GALNT12: variants seen among roughly 807,000 people sequenced by gnomAD.
GALNT12 encodes polypeptide N-acetylgalactosaminyltransferase 12.
Under a neutral mutation model 55.5 loss-of-function variants are expected in GALNT12, and 45 were observed. The ratio of observed to expected loss-of-function variants is 0.81; its 90% CI spans 0.64 to 1.04. The LOEUF (loss-of-function observed/expected upper bound fraction) is 1.04, where lower values mean the gene tolerates loss of function less well. GALNT12 is among the 50% of genes least tolerant of loss of function. The pLI is 0.00. For missense variants in GALNT12, 709 were observed against 754.8 expected (o/e 0.94, Z 0.71); for synonymous variants, 304 against 312.2 (o/e 0.97, Z 0.28).
chr9:98,842,554 T>C (rs1292833634), intron 7 of GALNT12, among the ~76,000 whole-genome samples: 1 of 152,162 alleles, frequency 6.6e-6, no homozygotes, highest in East Asian at 1.9e-4. Flanking sequence ...TTATTTTGGC[T>C]TCTGAGGTCT....
At chr9:98,822,908 G>C (rs953341722) in intron 1 of GALNT12, among the ~76,000 whole-genome samples, 4 of 152,194 alleles carry the variant, frequency 2.6e-5, no homozygotes, top group African/African-American at 9.7e-5. Flanking sequence ...CTGAGCAAAG[G>C]CCTGGGAGTG....
intron 9 of GALNT12, among the ~76,000 whole-genome samples, chr9:98,848,387 G>A (rs1157306632): frequency 6.6e-6 from 1 of 152,202 alleles, no homozygotes; most frequent in Non-Finnish European, 1.5e-5. Context: ...AGGGCTGGCA[G>A]AAAGGAGAGA....
chr9:98,820,859 C>A (rs1469881725), intron 1 of GALNT12, among the ~76,000 whole-genome samples: 1 of 152,170 alleles, frequency 6.6e-6, no homozygotes, highest in African/African-American at 2.4e-5. Context: ...CAACCCAGGG[C>A]TGCTTAACTT....
chr9:98,809,402 T>C (rs10987771), intron 1 of GALNT12, among the ~76,000 whole-genome samples: 43,527 of 152,126 alleles, frequency 0.29, 6,903 homozygotes, highest in East Asian at 0.36. Flanking sequence ...ACCCCGAGGG[T>C]GCCCGCTGAG....
chr9:98,843,212 CAT>C (rs1382838521), intron 7 of GALNT12, among the ~76,000 whole-genome samples: 2 of 152,118 alleles, frequency 1.3e-5, no homozygotes, highest in Non-Finnish European at 2.9e-5. Flanking sequence ...ACAATATTAA[CAT>C]AATTACTTAT....
At position 98,846,042 on chromosome 9, in the gene GALNT12, T is replaced by C. The variant is rs372665132; in HGVS notation, c.1524T>C (p.Ala508=). The C allele has an allele frequency of 3.1e-6, 5 of 1,614,040 alleles. No individual in the cohort carries two copies. In the African/African-American group the frequency reaches 6.7e-5, roughly 22 times the overall value. ...YNTHQPEGCI[A]VEAGMDTLIM... is the part of the protein sequence containing the mutation. ...CCCACCAGCCTGAGGGCTGCATTGC[T>C]GTGGAAGCAGGAATGGATACCCTTA... The change falls in exon 9 of 10, where the codon GCT becomes GCC. Residue 508 remains alanine, a synonymous_variant. Transcript: ENST00000375011.
At chr9:98,816,520 G>A (rs1207998055) in intron 1 of GALNT12, among the ~76,000 whole-genome samples, 1 of 151,880 alleles carries the variant, frequency 6.6e-6, no homozygotes, top group Non-Finnish European at 1.5e-5. Context: ...TCACTTCACC[G>A]TCCTTATTGT....
intron 8 of GALNT12, among the ~76,000 whole-genome samples, chr9:98,844,907 G>A (rs1405120157): frequency 6.6e-6 from 1 of 152,116 alleles, no homozygotes; most frequent in East Asian, 1.9e-4. Context: ...GGAGAGAAGT[G>A]TTGGTTCTGG....
intron 7 of GALNT12, among the ~76,000 whole-genome samples, chr9:98,843,493 G>A (rs758647126): frequency 3.3e-5 from 5 of 151,592 alleles, no homozygotes; most frequent in African/African-American, 4.9e-5. Flanking sequence ...TGCAACCTCC[G>A]TCTTCTGGGT....
chr9:98,843,818 A>G (rs1398269892), intron 7 of GALNT12, among the ~76,000 whole-genome samples: 5 of 152,238 alleles, frequency 3.3e-5, no homozygotes, highest in Non-Finnish European at 7.3e-5. Flanking sequence ...TAAGGCTGCT[A>G]CTAATGAGAA....
chr9:98,839,955 G>A, intron 6 of GALNT12, 47 bp from the exon 7 acceptor site: 2 of 1,612,902 alleles, frequency 1.2e-6, no homozygotes, highest in South Asian at 1.1e-5. Flanking sequence ...GGCTTTGAAA[G>A]GAAGCACTAG....
chr9:98,844,255 A>G, intron 8 of GALNT12, 46 bp downstream of exon 8: 1 of 1,294,540 alleles, frequency 7.7e-7, no homozygotes, highest in Non-Finnish European at 1.1e-6. Flanking sequence ...GTTTTGTTAA[A>G]AAAATTAAAT....
In GALNT12 at chr9:98,808,050, C is replaced by T. The variant is rs1478787439; in HGVS notation, c.352C>T (p.Pro118Ser). ...CCGCATCTCACTGCACCGCCGCCTG[C>T]CCGAGCGCTGGAACCCGCTGTGAGT... ...SDRISLHRRL[P>S]ERWNPLCKEK... The change falls in exon 1 of 10, where the codon CCC becomes TCC. Residue 118 changes from proline to serine, a missense_variant. By Grantham distance (74) the Pro-to-Ser change is moderately conservative. Coordinates refer to ENST00000375011, the MANE Select transcript of GALNT12 (RefSeq NM_024642.5). 6.3e-7 allele frequency: 1 copy of T among 1,581,198 alleles called. No individual in the cohort carries two copies.
chr9:98,816,847 C>T (rs1235316713), intron 1 of GALNT12, among the ~76,000 whole-genome samples: 2 of 128,216 alleles, frequency 1.6e-5, no homozygotes, highest in African/African-American at 5.9e-5. Context: ...TTTTGAGACA[C>T]AGTCTTGCTC....
rs1183107689 is a variant in GALNT12, at chr9:98,849,676, C to T, written c.*584C>T. 7.4e-6 allele frequency: 3 copies of T among 407,498 alleles called. No homozygotes were observed. Among genetic ancestry groups the T allele is most frequent in the Non-Finnish European group, 1.3e-5 (3 of 231,086 alleles). 25.2% of individuals were successfully genotyped at this position (407,498 alleles called of 1,614,324 possible). On this transcript the variant is annotated 3_prime_UTR_variant, in exon 10 of 10. Coordinates refer to ENST00000375011, the MANE Select transcript of GALNT12 (RefSeq NM_024642.5). ...GGTTATGTGTTGCTACCACAGTTAA[C>T]ACTCCATAATGTTCATGTCAGCCAA...
At chr9:98,847,814 T>C (rs1249174761) in intron 9 of GALNT12, among the ~76,000 whole-genome samples, 1 of 102,216 alleles carries the variant, frequency 9.8e-6, no homozygotes, top group Non-Finnish European at 1.8e-5. Context: ...GCTGGATCTT[T>C]TTTTTTTTTT....
intron 3 of GALNT12, among the ~76,000 whole-genome samples, chr9:98,829,646 C>A (rs1315639261): frequency 2.0e-5 from 3 of 152,102 alleles, no homozygotes; most frequent in Non-Finnish European, 4.4e-5. Flanking sequence ...CTCTGGTAAC[C>A]ATCCTTCTGC....
At chr9:98,809,581 G>C (rs186932777) in intron 1 of GALNT12, among the ~76,000 whole-genome samples, 2 of 152,332 alleles carry the variant, frequency 1.3e-5, no homozygotes, top group Non-Finnish European at 2.9e-5. Context: ...ACTCATAAAA[G>C]TGAGTCTCCA....
intron 2 of GALNT12, among the ~76,000 whole-genome samples, chr9:98,824,692 C>T (rs1025237291): frequency 3.9e-5 from 6 of 152,098 alleles, no homozygotes; most frequent in South Asian, 2.1e-4. Flanking sequence ...GGGTCTGAGA[C>T]GATGATCCAG....
Sources: gnomAD v4.1 joint callset for allele counts (sites outside exome capture counted in the v4.1 genomes callset) on GRCh38, gnomAD v4.1.1 for gene constraint, MANE v1.5 for transcripts, NCBI Gene and HGNC (gene_info 2026-07-23, HGNC 2026-07-21) for gene names.